The following PCNT variants were observed in gnomAD, a reference collection of about 807,000 sequenced individuals.
PCNT encodes the protein pericentrin, also known as kendrin.
Under a neutral mutation model 380.4 loss-of-function variants are expected in PCNT, and 319 were observed. The observed-to-expected ratio is 0.84, with a 90% CI of 0.77 to 0.92. The LOEUF (loss-of-function observed/expected upper bound fraction) is 0.92, where lower values mean the gene tolerates loss of function less well. Among genes scored for constraint, PCNT ranks in the 40% least tolerant of loss-of-function variants. The pLI, the probability that PCNT is intolerant of heterozygous loss-of-function variation, is 0.00. For synonymous variants in PCNT, 1,845 were observed against 1,735.2 expected (o/e 1.06, Z -1.57); for missense variants, 4,400 against 4,255.3 (o/e 1.03, Z -0.95).
intron 38 of PCNT, among the ~76,000 whole-genome samples, chr21:46,435,257 C>A (rs991125534): frequency 2.6e-5 from 4 of 152,096 alleles, no homozygotes; most frequent in African/African-American, 9.7e-5. Context: ...GATGGAGTCT[C>A]ACTCTGTCGC....
chr21:46,356,932 C>G (rs201668274), intron 12 of PCNT, 42 bp from the exon 13 acceptor site: 1 of 1,576,184 alleles, frequency 6.3e-7, no homozygotes, highest in Admixed American at 1.7e-5. Context: ...CATCGAGGGC[C>G]GGCACCGGCC....
intron 13 of PCNT, among the ~76,000 whole-genome samples, chr21:46,359,480 G>GTTTTTTGTTTT (rs2084611147): frequency 1.5e-5 from 1 of 65,732 alleles, no homozygotes; most frequent in Non-Finnish European, 3.4e-5. Context: ...AAATACACCT[G>GTTTTTTGTTTT]TTTTTTTTTT....
chr21:46,418,254 A>G lies in PCNT; in HGVS notation c.6972A>G (p.Thr2324=), dbSNP rs915640177. Residue 2324 remains threonine, a synonymous_variant, in exon 31 of 47, where the codon ACA becomes ACG. Transcript: ENST00000359568. ...CAACATCCTTTGATTCTCAAGAAACATTAAGTTCACCTCCTCCTGGATTAG... is the reference window on the plus strand; with the variant it reads ...CAACATCCTTTGATTCTCAAGAAACGTTAAGTTCACCTCCTCCTGGATTAG... ...FITTSFDSQE[T]LSSPPPGLEG... The G allele has an allele frequency of 3.1e-6, 5 of 1,610,734 alleles. No homozygotes were observed. The highest frequency in any genetic ancestry group is 1.3e-5 in the African/African-American group (1 of 74,966).
At chr21:46,381,369 A>G (rs992220161) in intron 15 of PCNT, among the ~76,000 whole-genome samples, 1 of 152,122 alleles carries the variant, frequency 6.6e-6, no homozygotes, top group Non-Finnish European at 1.5e-5. Context: ...TAATTCCTTG[A>G]TGGTGAACTT....
rs200846733 is a variant in PCNT at position 46,391,239 on chromosome 21, G to A, written c.4079G>A (p.Arg1360His). The A allele has an allele frequency of 1.0e-5, 16 of 1,606,894 alleles. No homozygotes were observed. Among genetic ancestry groups the A allele is most frequent in the African/African-American group, 2.7e-5 (2 of 74,892 alleles). The change falls in exon 21 of 47, where the codon CGT becomes CAT. Residue 1360 changes from arginine (R) to histidine (H), a missense_variant. By Grantham distance (29) the Arg-to-His change is conservative (BLOSUM62 0). Coordinates refer to ENST00000359568, the MANE Select transcript of PCNT (RefSeq NM_006031.6). ...VLAGKEDSEHRLVLELESLRR... is the reference protein window; with the variant it reads ...VLAGKEDSEHHLVLELESLRR... Reference sequence around the variant, plus strand: ...GCCGGGAAGGAGGATTCCGAGCACCGTCTGGTGCTGGAGCTGGAGAGCCTG... The same window carrying A: ...GCCGGGAAGGAGGATTCCGAGCACCATCTGGTGCTGGAGCTGGAGAGCCTG...
intron 42 of PCNT, among the ~76,000 whole-genome samples, chr21:46,440,528 A>G (rs112945525): frequency 1.1e-4 from 17 of 152,330 alleles, no homozygotes; most frequent in African/African-American, 4.1e-4. Flanking sequence ...TCCTGATGGC[A>G]CACGGTCCCC....
intron 7 of PCNT, among the ~76,000 whole-genome samples, chr21:46,349,406 C>T (rs2084187980): frequency 6.6e-6 from 1 of 152,190 alleles, no homozygotes; most frequent in South Asian, 2.1e-4. Flanking sequence ...TTTTTCTTGG[C>T]ATGTTCAGTT....
At chr21:46,429,114 C>T (rs2087633124) in intron 35 of PCNT, among the ~76,000 whole-genome samples, 1 of 152,204 alleles carries the variant, frequency 6.6e-6, no homozygotes, top group Non-Finnish European at 1.5e-5. Context: ...GGCAAGTGCC[C>T]TCTGTTCCTA....
At position 46,401,677 on chromosome 21, in the gene PCNT, C is replaced by T; in HGVS notation, c.4918C>T (p.Gln1640Ter). ...SGSPPEGPEI[Q>*]LEVTQRALLR... is the part of the protein sequence containing the mutation. ...CAGCCCTCCTGAGGGTCCAGAAATACAGTTAGAGGTGACACAGAGAGCACT... is the reference window on the plus strand; with the variant it reads ...CAGCCCTCCTGAGGGTCCAGAAATATAGTTAGAGGTGACACAGAGAGCACT... Residue 1640 changes from glutamine to a stop codon, truncating the protein, a stop_gained, in exon 26 of 47, where the codon CAG becomes TAG. Transcript: ENST00000359568. LOFTEE classifies it high-confidence loss of function. 1 of 1,613,992 alleles carries T rather than the reference C, an allele frequency of 6.2e-7. No individual in the cohort carries two copies. The highest frequency in any genetic ancestry group is 8.5e-7 in the Non-Finnish European group (1 of 1,180,018).
At chr21:46,389,050 T>C (rs1415626306) in intron 18 of PCNT, 149 bp from the exon 19 acceptor site, 1 of 1,294,336 alleles carries the variant, frequency 7.7e-7, no homozygotes, top group Non-Finnish European at 1.1e-6. Context: ...GGGTTTGGGC[T>C]AAATTTGTCA....
intron 22 of PCNT, among the ~76,000 whole-genome samples, chr21:46,397,740 G>A (rs1305397638): frequency 2.7e-5 from 4 of 149,756 alleles, no homozygotes; most frequent in African/African-American, 9.8e-5. Context: ...TCACGGAGGC[G>A]TCACTTGGGG....
At chr21:46,350,093 C>T (rs751567981) in intron 8 of PCNT, among the ~76,000 whole-genome samples, 17 of 151,970 alleles carry the variant, frequency 1.1e-4, no homozygotes, top group East Asian at 1.9e-4. Context: ...GCACGAGAAT[C>T]GCTTGAACCT....
At position 46,363,652 on chromosome 21, in the gene PCNT, A is replaced by G. The variant is rs1217114161; in HGVS notation, c.2327A>G (p.Glu776Gly). ...KLTLMLLELR[E>G]KAESEKQTII... ...ACATTGATGCTACTTGAACTGAGAG[A>G]AAAGGCTGAATCCGAGAAACAGACC... is the stretch of plus-strand genomic sequence containing the variant. The change falls in exon 14 of 47, where the codon GAA becomes GGA. Residue 776 changes from glutamate (E) to glycine (G), a missense_variant. Transcript: ENST00000359568. 1.2e-6 allele frequency: 2 copies of G among 1,614,250 alleles called. No homozygotes were observed. Among genetic ancestry groups the G allele is most frequent in the East Asian group, 2.2e-5 (1 of 44,890 alleles).
chr21:46,355,465 G>T lies in PCNT; in HGVS notation c.1775G>T (p.Arg592Leu), dbSNP rs754798472. 6.2e-7 allele frequency: 1 copy of T among 1,613,736 alleles called. No homozygotes were observed. Among genetic ancestry groups the T allele is most frequent in the Non-Finnish European group, 8.5e-7 (1 of 1,180,038 alleles). The change falls in exon 12 of 47, where the codon CGC becomes CTC. Residue 592 changes from arginine to leucine, a missense_variant. Arg to Leu is a moderately radical substitution (Grantham distance 102, BLOSUM62 -2). Coordinates refer to ENST00000359568, the MANE Select transcript of PCNT (RefSeq NM_006031.6). ...EPERHKESLP[R>L]FQAELEESHR... Reference sequence around the variant, plus strand: ...GTTTCTCTGTAGGAGAGCCTGCCACGCTTCCAGGCGGAGTTAGAAGAAAGC... The same window carrying T: ...GTTTCTCTGTAGGAGAGCCTGCCACTCTTCCAGGCGGAGTTAGAAGAAAGC...
rs1200006617 is a variant in PCNT at position 46,388,083 on chromosome 21, G to C, written c.3465-659G>C. Among the ~76,000 whole-genome samples, 1 of 152,042 alleles carries C rather than the reference G, an allele frequency of 6.6e-6. No individual in the cohort carries two copies. The highest frequency in any genetic ancestry group is 1.5e-5 in the Non-Finnish European group (1 of 67,982). ...AAATTAGCCGGGCGTGGTGACAGACGCCTGTAGTCCCAGCTACTCGGGAGG... is the reference window on the plus strand; with the variant it reads ...AAATTAGCCGGGCGTGGTGACAGACCCCTGTAGTCCCAGCTACTCGGGAGG... On this transcript the variant is annotated intron_variant, in intron 17 of 46. Coordinates refer to ENST00000359568, the MANE Select transcript of PCNT (RefSeq NM_006031.6). The surrounding 1 kb of genome is among the most constrained non-coding windows in gnomAD (Gnocchi z 4.2).
rs149063008 is a variant in PCNT at position 46,385,978 on chromosome 21, C to G, written c.3459C>G (p.Ser1153Arg). 3 of 1,613,986 alleles carry G rather than the reference C, an allele frequency of 1.9e-6. No homozygotes were observed. The highest frequency in any genetic ancestry group is 2.7e-5 in the African/African-American group (2 of 74,948). The change falls in exon 17 of 47, where the codon AGC becomes AGG. Residue 1153 changes from serine to arginine, a missense_variant. Transcript: ENST00000359568. ...MLKADVNLSH[S>R]ERGALQDALR... is the part of the protein sequence containing the mutation. ...AGGCCGACGTCAACCTGTCCCACAG[C>G]GAAAGGTCAGTGTGTCCTCGGCACC...
At chr21:46,360,145 C>G (rs2084652206) in intron 13 of PCNT, among the ~76,000 whole-genome samples, 1 of 151,188 alleles carries the variant, frequency 6.6e-6, no homozygotes, top group African/African-American at 2.4e-5. Context: ...ATGTGAGCCA[C>G]TGCACCTGGC....
chr21:46,352,814 C>T (rs1293556621), intron 9 of PCNT, among the ~76,000 whole-genome samples: 2 of 152,168 alleles, frequency 1.3e-5, no homozygotes, highest in Admixed American at 6.5e-5. Context: ...TTTCCTGGGG[C>T]TGCAGGACCA....
chr21:46,420,278 TCAGGCCTC>T (rs929179324), intron 31 of PCNT, among the ~76,000 whole-genome samples: 7 of 152,210 alleles, frequency 4.6e-5, no homozygotes, highest in African/African-American at 1.7e-4. Flanking sequence ...TTCAACTATA[TCAGGCCTC>T]CAAGATTGAT....
Sources: gnomAD v4.1 joint callset for allele counts (sites outside exome capture counted in the v4.1 genomes callset) on GRCh38, gnomAD v4.1.1 for gene constraint, Gnocchi (gnomAD v3.1) non-coding constraint, MANE v1.5 for transcripts, NCBI Gene and HGNC (gene_info 2026-07-23, HGNC 2026-07-21) for gene names.